CSMD1: variants seen among roughly 807,000 people sequenced by gnomAD.
CSMD1 encodes CUB and sushi domain-containing protein 1.
In CSMD1, 213 loss-of-function variants were observed where a neutral mutation model predicts 417.5. That is an observed-to-expected ratio of 0.51 (90% CI 0.46 to 0.57). CSMD1 has a LOEUF of 0.57. Ranked by LOEUF, CSMD1 falls within the 20% of genes least tolerant of loss-of-function variation. CSMD1 has a pLI of 0.00. For synonymous variants in CSMD1, 2,862 were observed against 1,736.8 expected (o/e 1.65, Z -16.11); for missense variants, 6,923 against 4,529.7 (o/e 1.53, Z -15.17).
At chr8:3,494,593 TAGA>T (rs764733918) in intron 10 of CSMD1, among the ~76,000 whole-genome samples, 2 of 148,514 alleles carry the variant, frequency 1.3e-5, no homozygotes, top group East Asian at 3.9e-4. Flanking sequence ...GATAGATAGA[TAGA>T]TAGATAGATA....
chr8:3,277,236 G>A (rs750930850), intron 26 of CSMD1, among the ~76,000 whole-genome samples: 5 of 152,098 alleles, frequency 3.3e-5, no homozygotes, highest in African/African-American at 4.8e-5. Flanking sequence ...TTTTGGCAGT[G>A]GGGAGAATGA....
intron 50 of CSMD1, among the ~76,000 whole-genome samples, chr8:3,036,054 G>C (rs575146914): frequency 6.6e-6 from 1 of 152,138 alleles, no homozygotes; most frequent in East Asian, 1.9e-4. Context: ...CAGATCAGTT[G>C]AAAGTATAAA....
chr8:3,249,232 T>C (rs527292195), intron 26 of CSMD1, among the ~76,000 whole-genome samples: 381 of 152,148 alleles, frequency 2.5e-3, no homozygotes, highest in South Asian at 0.011. Flanking sequence ...GCTGCTGCTG[T>C]TGTTATTGAG....
intron 12 of CSMD1, among the ~76,000 whole-genome samples, chr8:3,420,564 A>G (rs775436015): frequency 8.6e-5 from 13 of 151,748 alleles, no homozygotes; most frequent in Non-Finnish European, 1.0e-4. Flanking sequence ...AATGCTCTGT[A>G]CTATCTTTGC....
At chr8:4,469,368 A>C (rs1245926842) in intron 2 of CSMD1, among the ~76,000 whole-genome samples, 1 of 152,160 alleles carries the variant, frequency 6.6e-6, no homozygotes, top group Non-Finnish European at 1.5e-5. Context: ...ACGTGAACCA[A>C]ATCAAGGTGC....
In CSMD1 at chr8:3,503,175, G is replaced by T. The variant is rs569249817; in HGVS notation, c.1345-9449C>A. Among the ~76,000 whole-genome samples the T allele has an allele frequency of 5.3e-4, 81 of 152,198 alleles. 1 individual carries two copies. The highest frequency in any genetic ancestry group is 6.8e-3 in the Middle Eastern group (2 of 294). On this transcript the variant is annotated intron_variant, in intron 10 of 69. Coordinates refer to ENST00000635120, the MANE Select transcript of CSMD1 (RefSeq NM_033225.6). ...AGACTGAATTTCAACCTAGAAAAAA[G>T]TACTTTGAACACACACACCCACACA...
chr8:3,564,860 G>A (rs762325682), intron 10 of CSMD1, among the ~76,000 whole-genome samples: 1 of 151,960 alleles, frequency 6.6e-6, no homozygotes, highest in Non-Finnish European at 1.5e-5. Context: ...CTGTTAAGCA[G>A]CAGTAACGGG....
At chr8:3,795,327 A>G (rs1181512430) in intron 5 of CSMD1, among the ~76,000 whole-genome samples, 1 of 32,148 alleles carries the variant, frequency 3.1e-5, no homozygotes, top group South Asian at 8.5e-4. Flanking sequence ...ACAGATATAG[A>G]TATCTATCAT....
chr8:4,249,505 G>A (rs533086193), intron 3 of CSMD1, among the ~76,000 whole-genome samples: 91 of 152,344 alleles, frequency 6.0e-4, no homozygotes, highest in African/African-American at 1.9e-3. Flanking sequence ...GCGGAAGGAT[G>A]TAGAGAGCTC....
At chr8:4,626,638 G>A (rs947497638) in intron 2 of CSMD1, among the ~76,000 whole-genome samples, 1 of 152,102 alleles carries the variant, frequency 6.6e-6, no homozygotes, top group African/African-American at 2.4e-5. Flanking sequence ...GGAGGGCAGG[G>A]CGCCAGCTTG....
intron 23 of CSMD1, among the ~76,000 whole-genome samples, chr8:3,316,952 G>A (rs1224898359): frequency 1.3e-5 from 2 of 152,192 alleles, no homozygotes. Flanking sequence ...GTGCTGGAAA[G>A]GAGCCTGTGT....
intron 28 of CSMD1, among the ~76,000 whole-genome samples, chr8:3,223,116 T>C (rs1214582753): frequency 1.3e-5 from 2 of 152,204 alleles, no homozygotes; most frequent in Admixed American, 6.5e-5. Flanking sequence ...ATTGTAATTA[T>C]CATATACCAT....
chr8:3,646,601 G>C (rs1797582999), intron 7 of CSMD1, among the ~76,000 whole-genome samples: 1 of 152,186 alleles, frequency 6.6e-6, no homozygotes, highest in Non-Finnish European at 1.5e-5. Flanking sequence ...CAAAGTAGCA[G>C]TCAGGGAACC....
chr8:4,215,779 G>A (rs1013691786), intron 3 of CSMD1, among the ~76,000 whole-genome samples: 1 of 151,896 alleles, frequency 6.6e-6, no homozygotes, highest in Non-Finnish European at 1.5e-5. Flanking sequence ...TGTTTTCTTG[G>A]TGGAATATCT....
intron 39 of CSMD1, among the ~76,000 whole-genome samples, chr8:3,156,986 CAAA>C (rs869173951): frequency 4.7e-5 from 3 of 64,448 alleles, no homozygotes; most frequent in African/African-American, 1.6e-4. Context: ...GTTGTTTAGA[CAAA>C]AAAAAAAAAA....
At chr8:4,189,457 C>T (rs936524670) in intron 3 of CSMD1, among the ~76,000 whole-genome samples, 36 of 152,006 alleles carry the variant, frequency 2.4e-4, no homozygotes, top group African/African-American at 8.7e-4. Flanking sequence ...AGTATGTTTG[C>T]AGAAAAGAAA....
chr8:4,801,018 A>C (rs917936028), intron 1 of CSMD1, among the ~76,000 whole-genome samples: 3 of 152,222 alleles, frequency 2.0e-5, no homozygotes, highest in African/African-American at 7.2e-5. Flanking sequence ...GATGTCTTCA[A>C]TATCTTGGAT....
intron 1 of CSMD1, among the ~76,000 whole-genome samples, chr8:4,835,502 A>G (rs527280367): frequency 1.1e-3 from 161 of 152,268 alleles, no homozygotes; most frequent in African/African-American, 3.8e-3. Flanking sequence ...TGCCTGTGAA[A>G]CAATGAGGTA....
intron 39 of CSMD1, among the ~76,000 whole-genome samples, chr8:3,156,229 G>A (rs957400521): frequency 1.3e-5 from 2 of 152,192 alleles, no homozygotes; most frequent in Non-Finnish European, 2.9e-5. Context: ...GAGGCTGACT[G>A]TCTGGACATA....
Sources: gnomAD v4.1 joint callset for allele counts (sites outside exome capture counted in the v4.1 genomes callset) on GRCh38, gnomAD v4.1.1 for gene constraint, MANE v1.5 for transcripts, NCBI Gene and HGNC (gene_info 2026-07-23, HGNC 2026-07-21) for gene names.